The following APC2 variants were observed in gnomAD, a reference collection of about 807,000 sequenced individuals.
The protein encoded by APC2 is adenomatous polyposis coli protein 2.
In APC2, 41 loss-of-function variants were observed where a neutral mutation model predicts 72.5. The observed-to-expected ratio is 0.57, with a 90% CI of 0.44 to 0.73. The LOEUF is 0.73. Among genes scored for constraint, APC2 ranks in the 30% least tolerant of loss-of-function variants. APC2 has a pLI of 0.00. For missense variants in APC2, 3,729 were observed against 3,403.4 expected (o/e 1.10, Z -2.38); for synonymous variants, 1,898 against 1,612.0 (o/e 1.18, Z -4.25).
chr19:1,447,186 C>G (rs2083695584), upstream of APC2, among the ~76,000 whole-genome samples: 2 of 152,186 alleles, frequency 1.3e-5, no homozygotes, highest in African/African-American at 4.8e-5. Flanking sequence ...GGCCACCCAG[C>G]CGGCGGCGGG....
chr19:1,465,767 C>A lies in APC2; in HGVS notation c.2466C>A (p.Thr822=). ...QGQALARTPP[T]RRGGKEAEKD... ...AGGCGCTGGCTCGCACCCCGCCCAC[C>A]CGCCGAGGCGGCAAGGAGGCAGAGA... Residue 822 remains threonine, a synonymous_variant, in exon 15 of 15, where the codon ACC becomes ACA. Coordinates refer to ENST00000590469, the MANE Select transcript of APC2 (RefSeq NM_005883.3). The A allele has an allele frequency of 6.5e-7, 1 of 1,548,368 alleles. No homozygotes were observed. The highest frequency in any genetic ancestry group is 8.7e-7 in the Non-Finnish European group (1 of 1,150,022).
intron 5 of APC2, 21 bp downstream of exon 5, chr19:1,455,278 G>T: frequency 6.4e-7 from 1 of 1,564,918 alleles, no homozygotes; most frequent in Non-Finnish European, 8.6e-7. Context: ...CGGGGAGCCA[G>T]GGGGCAGCGC....
chr19:1,456,771 A>AG (rs2083834453), intron 8 of APC2, 82 bp from the exon 9 acceptor site: 23 of 1,488,996 alleles, frequency 1.5e-5, no homozygotes, highest in South Asian at 8.7e-5. Flanking sequence ...GGGACGGGGC[A>AG]GGGGTCACAG....
Position 1,465,999 on chromosome 19 carries a change from G to C in APC2, c.2698G>C (p.Gly900Arg). Residue 900 changes from glycine (G) to arginine (R), a missense_variant, in exon 15 of 15, where the codon GGC (glycine) becomes CGC (arginine). Coordinates refer to ENST00000590469, the MANE Select transcript of APC2 (RefSeq NM_005883.3). ...CTGCTCGCCATGCCGCGGCCCGGAGGGCGGGCGGCGAGAGGCAGGAAGCCG... is the reference window on the plus strand; with the variant it reads ...CTGCTCGCCATGCCGCGGCCCGGAGCGCGGGCGGCGAGAGGCAGGAAGCCG... ...QSCSPCRGPEGGRREAGSRAH... is the reference protein window; with the variant it reads ...QSCSPCRGPERGRREAGSRAH... 6.6e-7 allele frequency: 1 copy of C among 1,506,392 alleles called. No homozygotes were observed. The highest frequency in any genetic ancestry group is 8.8e-7 in the Non-Finnish European group (1 of 1,137,124). The allele number at this position is 1,506,392 out of a possible 1,614,324, so 93.3% of individuals were successfully genotyped here.
upstream of APC2, among the ~76,000 whole-genome samples, chr19:1,447,858 C>T (rs1444001371): frequency 6.6e-6 from 1 of 152,144 alleles, no homozygotes; most frequent in Non-Finnish European, 1.5e-5. Flanking sequence ...CTGGCCCAGG[C>T]CTCAGTTTCC....
At chr19:1,457,733 T>C in intron 9 of APC2, 1 of 590,390 alleles carries the variant, frequency 1.7e-6, no homozygotes, top group South Asian at 2.0e-5. Context: ...GAAGCACAGC[T>C]GAAAGGTGTG....
intron 10 of APC2, among the ~76,000 whole-genome samples, chr19:1,459,624 TCTTTGAAGAGGGAGAA>T (rs2083892511): frequency 6.6e-6 from 1 of 152,216 alleles, no homozygotes; most frequent in Non-Finnish European, 1.5e-5. Flanking sequence ...GCCTCTGTTG[TCTTTGAAGAGGGAGAA>T]AAGTGTTTTG....
chr19:1,460,711 C>T, intron 11 of APC2, 69 bp from the exon 12 acceptor site: 2 of 1,481,134 alleles, frequency 1.4e-6, no homozygotes, highest in Non-Finnish European at 1.9e-6. Flanking sequence ...ACAGACGGGG[C>T]TGGGAGGTGA....
chr19:1,461,713 G>A (rs989715452), intron 13 of APC2: 6 of 502,746 alleles, frequency 1.2e-5, no homozygotes, highest in African/African-American at 5.9e-5. Context: ...TTAGCCGGGC[G>A]TGGTGGCGGG....
intron 10 of APC2, among the ~76,000 whole-genome samples, chr19:1,458,980 G>C (rs181621495): frequency 6.6e-6 from 1 of 151,984 alleles, no homozygotes; most frequent in East Asian, 1.9e-4. Context: ...CACCACGCCC[G>C]GCCACTTTAC....
rs1469844089 is a variant in APC2, at chr19:1,466,645, G to A, written c.3344G>A (p.Arg1115Gln). 2.7e-6 allele frequency: 4 copies of A among 1,493,950 alleles called. No individual in the cohort carries two copies. The highest frequency in any genetic ancestry group is 2.7e-6 in the Non-Finnish European group (3 of 1,122,916). 92.5% of individuals were successfully genotyped at this position (1,493,950 alleles called of 1,614,324 possible). A position where few individuals can be genotyped will look rare whatever the true frequency, so the allele number is the denominator to read the frequency against. ...GAGGCTGAGCTGGACAGCACGTGGC[G>A]GGCGCCCGGGGCCACCTCGCTGCCC... ...PSEAELDSTW[R>Q]APGATSLPVA... is the part of the protein sequence containing the mutation. The change falls in exon 15 of 15, where the codon CGG (arginine) becomes CAG (glutamine). Residue 1115 changes from arginine (R) to glutamine (Q), a missense_variant. Transcript: ENST00000590469.
At chr19:1,453,683 A>C in intron 4 of APC2, 72 bp downstream of exon 4, 1 of 1,521,732 alleles carries the variant, frequency 6.6e-7, no homozygotes. Flanking sequence ...CTGCCCTCTA[A>C]TTCGCCCACC....
rs1405996032 is a variant in APC2, at chr19:1,467,376, G to A, written c.4075G>A (p.Ala1359Thr). The A allele has an allele frequency of 6.7e-7, 1 of 1,481,996 alleles. No individual in the cohort carries two copies. Among genetic ancestry groups the A allele is most frequent in the South Asian group, 1.3e-5 (1 of 77,966 alleles). The allele number at this position is 1,481,996 out of a possible 1,614,324, so 91.8% of individuals were successfully genotyped here. A position where few individuals can be genotyped will look rare whatever the true frequency, so the allele number is the denominator to read the frequency against. Residue 1359 changes from alanine to threonine, a missense_variant, in exon 15 of 15, where the codon GCC becomes ACC. By Grantham distance (58) the Ala-to-Thr change is moderately conservative. Coordinates refer to ENST00000590469, the MANE Select transcript of APC2 (RefSeq NM_005883.3). ...CGTGCCTGCCCGGCTGCGCAAGGTG[G>A]CCTCCGCGCTGGTGCCAGGTCGCCG... Reference protein sequence around the residue: ...AAVPARLRKVASALVPGRRAL... With the variant: ...AAVPARLRKVTSALVPGRRAL...
Position 1,465,673 on chromosome 19 carries a change from C to T in APC2, c.2372C>T (p.Ala791Val), listed in dbSNP as rs868032131. The change falls in exon 15 of 15, where the codon GCG (alanine) becomes GTG (valine). Residue 791 changes from alanine (A) to valine (V), a missense_variant. Transcript: ENST00000590469. ...DDAPSSLAAA[A>V]ATGEPASPAA... ...GCACCGTCATCCCTGGCTGCGGCCG[C>T]GGCCACCGGGGAGCCAGCCAGCCCT... 1.3e-6 allele frequency: 2 copies of T among 1,596,702 alleles called. No homozygotes were observed. Among genetic ancestry groups the T allele is most frequent in the Non-Finnish European group, 1.7e-6 (2 of 1,173,326 alleles).
intron 8 of APC2, 108 bp from the exon 9 acceptor site, chr19:1,456,745 C>T (rs977266116): frequency 2.2e-5 from 30 of 1,346,606 alleles, no homozygotes; most frequent in Non-Finnish European, 2.8e-5. Flanking sequence ...CCCAGGTGGG[C>T]GTGGGGCTGC....
chr19:1,449,116 C>G (rs1182732864), upstream of APC2, among the ~76,000 whole-genome samples: 3 of 152,256 alleles, frequency 2.0e-5, no homozygotes, highest in Admixed American at 1.3e-4. Context: ...CCACCCTCTC[C>G]TATCATTCCC....
In APC2 at chr19:1,467,042, G is replaced by A. The variant is rs1225122403; in HGVS notation, c.3741G>A (p.Arg1247=). 6.2e-7 allele frequency: 1 copy of A among 1,611,724 alleles called. No homozygotes were observed. The highest frequency in any genetic ancestry group is 2.2e-5 in the East Asian group (1 of 44,824). Residue 1247 remains arginine, a synonymous_variant, in exon 15 of 15, where the codon CGG becomes CGA. Transcript: ENST00000590469. ...VKRFLDIADC[R]ERCRLPSELD... ...GCTTCCTGGACATCGCCGACTGCCGGGAGCGCTGCCGGCTGCCATCTGAGC... is the reference window on the plus strand; with the variant it reads ...GCTTCCTGGACATCGCCGACTGCCGAGAGCGCTGCCGGCTGCCATCTGAGC...
upstream of APC2, among the ~76,000 whole-genome samples, chr19:1,448,454 G>A (rs2083706235): frequency 6.6e-6 from 1 of 151,810 alleles, no homozygotes; most frequent in African/African-American, 2.4e-5. Context: ...TCTGAGGCAG[G>A]AGAATCACTT....
At chr19:1,458,369 G>T in intron 10 of APC2, 1 of 390,140 alleles carries the variant, frequency 2.6e-6, no homozygotes. Flanking sequence ...TAGAAGACAG[G>T]CCCAGAATTG....
Sources: allele counts gnomAD v4.1 joint callset (sites outside exome capture counted in the v4.1 genomes callset), GRCh38; gene constraint gnomAD v4.1.1; transcripts MANE v1.5; gene names NCBI Gene and HGNC (gene_info 2026-07-23, HGNC 2026-07-21).